The following ASAP1 variants were observed in gnomAD, a reference collection of about 807,000 sequenced individuals.
The protein encoded by ASAP1 is arf-GAP with SH3 domain, ANK repeat and PH domain-containing protein 1.
Under a neutral mutation model 145.2 loss-of-function variants are expected in ASAP1, and 43 were observed. The observed-to-expected ratio is 0.30, with a 90% CI of 0.23 to 0.38. The LOEUF (loss-of-function observed/expected upper bound fraction) is 0.38. Among genes scored for constraint, ASAP1 ranks in the 10% least tolerant of loss-of-function variants. The probability of loss-of-function intolerance (pLI) is 1.00; values close to 1 mark genes in which losing one functional copy is unlikely to be tolerated. For missense variants in ASAP1, 1,018 were observed against 1,355.3 expected (o/e 0.75, Z 3.91); for synonymous variants, 546 against 515.5 (o/e 1.06, Z -0.80).
At chr8:130,371,391 G>T (rs1375551520) in intron 2 of ASAP1, among the ~76,000 whole-genome samples, 2 of 152,142 alleles carry the variant, frequency 1.3e-5, no homozygotes, top group Non-Finnish European at 2.9e-5. Flanking sequence ...GATGTGGCAG[G>T]ACTACCAGTT....
chr8:130,347,631 T>G (rs1825774588), intron 3 of ASAP1, among the ~76,000 whole-genome samples: 1 of 152,146 alleles, frequency 6.6e-6, no homozygotes, highest in African/African-American at 2.4e-5. Flanking sequence ...GACGAAGACT[T>G]AGCCCCACCC....
At chr8:130,281,038 T>C (rs747705135) in intron 3 of ASAP1, among the ~76,000 whole-genome samples, 5 of 152,160 alleles carry the variant, frequency 3.3e-5, no homozygotes, top group Middle Eastern at 3.2e-3. Context: ...AGAGTACATA[T>C]GTATATGTAC....
intron 27 of ASAP1, among the ~76,000 whole-genome samples, chr8:130,069,387 C>T (rs2097437213): frequency 6.6e-6 from 1 of 152,136 alleles, no homozygotes; most frequent in African/African-American, 2.4e-5. Flanking sequence ...AGGCATGTGG[C>T]ACCACGCCTG....
intron 27 of ASAP1, among the ~76,000 whole-genome samples, chr8:130,066,780 A>T (rs2097431816): frequency 6.6e-6 from 1 of 152,176 alleles, no homozygotes. Context: ...GAACTTCCGT[A>T]AATTCAGAGG....
At chr8:130,131,603 GAAAAAAAAAAA>G (rs1159191172) in intron 15 of ASAP1, among the ~76,000 whole-genome samples, 243 of 63,096 alleles carry the variant, frequency 3.9e-3, no homozygotes, top group African/African-American at 0.019. Flanking sequence ...CATGGCTACT[GAAAAAAAAAAA>G]AAAAAAAAAA....
chr8:130,361,820 C>A (rs1272617711), intron 2 of ASAP1: 1 of 1,360,962 alleles, frequency 7.3e-7, no homozygotes, highest in African/African-American at 1.4e-5. Context: ...TGCTGGATTT[C>A]TTTGTGTGGA....
At chr8:130,310,138 T>TGGGGGGGGG (rs368989712) in intron 3 of ASAP1, among the ~76,000 whole-genome samples, 1 of 54,194 alleles carries the variant, frequency 1.8e-5, no homozygotes, top group African/African-American at 7.6e-5. Context: ...CAGTTTTTTT[T>TGGGGGGGGG]GGGGGGGGGA....
At chr8:130,368,253 T>C (rs538969501) in intron 2 of ASAP1, among the ~76,000 whole-genome samples, 1 of 152,342 alleles carries the variant, frequency 6.6e-6, no homozygotes, top group Non-Finnish European at 1.5e-5. Context: ...ATTTTCAATA[T>C]CATATTATTT....
intron 1 of ASAP1, among the ~76,000 whole-genome samples, chr8:130,416,016 G>C (rs1227648357): frequency 1.3e-5 from 2 of 152,130 alleles, no homozygotes; most frequent in African/African-American, 4.8e-5. Flanking sequence ...TTTTCAAAAT[G>C]AAGTTTCCCC....
intron 13 of ASAP1, among the ~76,000 whole-genome samples, chr8:130,143,029 C>T (rs1056582466): frequency 2.0e-5 from 3 of 152,146 alleles, no homozygotes; most frequent in Admixed American, 6.5e-5. Flanking sequence ...GAAAAGGAGA[C>T]TTTCAATGCA....
intron 29 of ASAP1, 53 bp from the exon 30 acceptor site, chr8:130,054,858 CG>C (rs908085294): frequency 5.0e-5 from 73 of 1,466,074 alleles, no homozygotes; most frequent in Non-Finnish European, 6.9e-5. Flanking sequence ...AGTGGCCCCA[CG>C]ACAAACCCAG....
intron 7 of ASAP1, among the ~76,000 whole-genome samples, chr8:130,184,629 A>T (rs1814594770): frequency 6.6e-6 from 1 of 152,202 alleles, no homozygotes; most frequent in Non-Finnish European, 1.5e-5. Context: ...TCTATGATAA[A>T]CTTTAACAAT....
intron 23 of ASAP1, among the ~76,000 whole-genome samples, chr8:130,113,954 G>C (rs1327581858): frequency 6.6e-6 from 1 of 151,798 alleles, no homozygotes; most frequent in Non-Finnish European, 1.5e-5. Context: ...GCTAATTTTT[G>C]TATTTTTTGT....
chr8:130,095,386 C>T (rs1378203767), intron 24 of ASAP1, among the ~76,000 whole-genome samples: 1 of 150,676 alleles, frequency 6.6e-6, no homozygotes, highest in Non-Finnish European at 1.5e-5. Context: ...CCGTGACCTC[C>T]CCCTCCTGGG....
At chr8:130,415,680 C>T (rs765945326) in intron 1 of ASAP1, among the ~76,000 whole-genome samples, 11 of 150,052 alleles carry the variant, frequency 7.3e-5, no homozygotes, top group Non-Finnish European at 1.6e-4. Context: ...CCCACCTACT[C>T]GGGAGGCTTA....
At chr8:130,112,621 C>A (rs573995378) in intron 23 of ASAP1, among the ~76,000 whole-genome samples, 30 of 152,228 alleles carry the variant, frequency 2.0e-4, no homozygotes, top group Non-Finnish European at 3.7e-4. Context: ...TAAGCAAACA[C>A]CTTCAGAATG....
intron 2 of ASAP1, among the ~76,000 whole-genome samples, chr8:130,372,700 T>G (rs529406759): frequency 6.6e-6 from 1 of 152,340 alleles, no homozygotes; most frequent in South Asian, 2.1e-4. Flanking sequence ...GTATGCACTA[T>G]GGATGGCTAG....
chr8:130,129,205 T>C (rs898181921), intron 15 of ASAP1, among the ~76,000 whole-genome samples: 2 of 152,232 alleles, frequency 1.3e-5, no homozygotes, highest in African/African-American at 4.8e-5. Context: ...CATGTGGAAC[T>C]GTGAGTCAAT....
At chr8:130,173,431 C>T (rs533424095) in intron 9 of ASAP1, among the ~76,000 whole-genome samples, 88 of 152,254 alleles carry the variant, frequency 5.8e-4, no homozygotes, top group African/African-American at 2.0e-3. Flanking sequence ...TCTGTTCCTC[C>T]TTTCTCTCTT....
Sources: gnomAD v4.1 joint callset for allele counts (sites outside exome capture counted in the v4.1 genomes callset) on GRCh38, gnomAD v4.1.1 for gene constraint, MANE v1.5 for transcripts, NCBI Gene and HGNC (gene_info 2026-07-23, HGNC 2026-07-21) for gene names.